FERRY3: variants seen among roughly 807,000 people sequenced by gnomAD.
FERRY3 encodes FERRY endosomal RAB5 effector complex subunit 3.
the FERRY3 span, among the ~76,000 whole-genome samples, chr12:4,531,920 G>C: frequency 6.6e-6 from 1 of 152,094 alleles, no homozygotes; most frequent in East Asian, 1.9e-4. Context: ...TTACTGTGGA[G>C]TCCCAATTAG....
chr12:4,507,883 G>A, the FERRY3 span, among the ~76,000 whole-genome samples: 1 of 152,174 alleles, frequency 6.6e-6, no homozygotes, highest in East Asian at 1.9e-4. Flanking sequence ...ATAAACATCT[G>A]TCTGGAAGGT....
the FERRY3 span, chr12:4,488,954 G>C: frequency 6.6e-6 from 1 of 152,216 alleles, no homozygotes; most frequent in Non-Finnish European, 1.5e-5. This position sits in a 1 kb window ranked among gnomAD's most constrained non-coding sequence, Gnocchi z 4.9. Context: ...AGCAGAAATG[G>C]GGATACATTT....
At chr12:4,518,908 T>C in the FERRY3 span, 1 of 1,416,980 alleles carries the variant, frequency 7.1e-7, no homozygotes, top group Admixed American at 2.3e-5. Flanking sequence ...ATTGATATAC[T>C]TTTATGTTTG....
the FERRY3 span, among the ~76,000 whole-genome samples, chr12:4,504,238 G>C: frequency 1.3e-5 from 2 of 152,192 alleles, no homozygotes; most frequent in African/African-American, 4.8e-5. Context: ...AGGTTAATGT[G>C]ATCTACATGT....
the FERRY3 span, chr12:4,518,379 C>A: frequency 1.3e-6 from 1 of 798,270 alleles, no homozygotes. Context: ...TAAAAATGGG[C>A]CTTGCAACTT....
chr12:4,500,694 C>G, the FERRY3 span, among the ~76,000 whole-genome samples: 1 of 152,152 alleles, frequency 6.6e-6, no homozygotes, highest in African/African-American at 2.4e-5. Context: ...TACTCTGTCA[C>G]CAAGCTGGAG....
At chr12:4,494,036 T>G in the FERRY3 span, among the ~76,000 whole-genome samples, 1 of 152,114 alleles carries the variant, frequency 6.6e-6, no homozygotes, top group African/African-American at 2.4e-5. Context: ...GAGGTTGCAG[T>G]GAGCTGAGAT....
At chr12:4,491,776 T>G in the FERRY3 span, among the ~76,000 whole-genome samples, 107 of 152,224 alleles carry the variant, frequency 7.0e-4, no homozygotes, top group Non-Finnish European at 1.0e-3. Context: ...ACAGTATGAT[T>G]AGCGCGTATG....
chr12:4,525,536 A>T, the FERRY3 span: 2 of 1,612,958 alleles, frequency 1.2e-6, no homozygotes, highest in East Asian at 4.5e-5. Flanking sequence ...TTGATCTGTC[A>T]GTGATTTTCC....
chr12:4,511,206 T>C, the FERRY3 span, among the ~76,000 whole-genome samples: 1 of 151,740 alleles, frequency 6.6e-6, no homozygotes, highest in Non-Finnish European at 1.5e-5. Flanking sequence ...TAAATATATA[T>C]GCACTCAATA....
chr12:4,535,894 C>T, the FERRY3 span: 7 of 671,998 alleles, frequency 1.0e-5, no homozygotes, highest in East Asian at 1.0e-4. This position sits in a 1 kb window ranked among gnomAD's most constrained non-coding sequence, Gnocchi z 4.0. Context: ...TTCTTGGAAT[C>T]AGTTCCTATG....
At chr12:4,502,802 A>G in the FERRY3 span, among the ~76,000 whole-genome samples, 1 of 152,202 alleles carries the variant, frequency 6.6e-6, no homozygotes, top group Non-Finnish European at 1.5e-5. The surrounding 1 kb of genome is among the most constrained non-coding windows in gnomAD (Gnocchi z 4.2). Context: ...TTTATTTTTT[A>G]TTTTAACTTG....
At chr12:4,507,745 T>C in the FERRY3 span, among the ~76,000 whole-genome samples, 1 of 152,196 alleles carries the variant, frequency 6.6e-6, no homozygotes, top group African/African-American at 2.4e-5. Context: ...CTTTATGGAC[T>C]GATACGAAAT....
chr12:4,498,281 T>C, the FERRY3 span, among the ~76,000 whole-genome samples: 2 of 152,226 alleles, frequency 1.3e-5, no homozygotes, highest in Admixed American at 6.5e-5. Flanking sequence ...GCTGCAGGAA[T>C]GTTTGGATGA....
the FERRY3 span, among the ~76,000 whole-genome samples, chr12:4,532,916 T>C: frequency 2.0e-5 from 3 of 152,194 alleles, no homozygotes; most frequent in Admixed American, 6.5e-5. Flanking sequence ...TAGAGAGCTG[T>C]AGCAGAAAAA....
chr12:4,499,122 T>C, the FERRY3 span, among the ~76,000 whole-genome samples: 6 of 152,220 alleles, frequency 3.9e-5, no homozygotes, highest in African/African-American at 1.4e-4. Flanking sequence ...TTTTGGTAAA[T>C]AGCTATTTAT....
At chr12:4,509,417 GCCTC>G in the FERRY3 span, 1 of 151,676 alleles carries the variant, frequency 6.6e-6, no homozygotes, top group Non-Finnish European at 1.4e-5. Flanking sequence ...AGGCCTGCCT[GCCTC>G]TGTAGGCTCC....
At chr12:4,511,698 A>C in the FERRY3 span, among the ~76,000 whole-genome samples, 1 of 150,398 alleles carries the variant, frequency 6.6e-6, no homozygotes, top group African/African-American at 2.5e-5. Context: ...CAACGAGAAC[A>C]AAGACACAAC....
At chr12:4,493,013 A>G in the FERRY3 span, among the ~76,000 whole-genome samples, 3 of 151,778 alleles carry the variant, frequency 2.0e-5, no homozygotes, top group Non-Finnish European at 1.5e-5. Flanking sequence ...TTTTTCCTCA[A>G]TCTGTTTCTT....
Sources: allele counts gnomAD v4.1 joint callset (sites outside exome capture counted in the v4.1 genomes callset), GRCh38; gene constraint gnomAD v4.1.1; non-coding constraint Gnocchi (gnomAD v3.1); transcripts MANE v1.5; gene names NCBI Gene and HGNC (gene_info 2026-07-23, HGNC 2026-07-21).